Variants in USP34 observed in about 807,000 individuals in gnomAD.
The protein encoded by USP34 is ubiquitin specific peptidase 34, also known as ubiquitin carboxyl-terminal hydrolase 34.
USP34 carries 70 observed loss-of-function variants against 460.3 expected under a neutral mutation model. The observed-to-expected ratio is 0.15, with a 90% confidence interval of 0.13 to 0.19. The LOEUF is 0.19. Among genes scored for constraint, USP34 ranks in the 10% least tolerant of loss-of-function variants. The probability of loss-of-function intolerance (pLI) is 1.00; values close to 1 mark genes in which losing one functional copy is unlikely to be tolerated. For missense variants in USP34, 3,985 were observed against 4,236.2 expected (o/e 0.94, Z 1.65); for synonymous variants, 1,647 against 1,405.3 (o/e 1.17, Z -3.85).
At chr2:61,410,248 T>C (rs1222214817) in intron 2 of USP34, among the ~76,000 whole-genome samples, 2 of 152,148 alleles carry the variant, frequency 1.3e-5, no homozygotes, top group Non-Finnish European at 2.9e-5. Context: ...GACGGTACCA[T>C]CTGGGGGTGA....
intron 43 of USP34, among the ~76,000 whole-genome samples, chr2:61,261,680 G>A (rs1572880585): frequency 1.3e-5 from 2 of 152,242 alleles, no homozygotes; most frequent in East Asian, 3.9e-4. Context: ...ACCACAATTA[G>A]AATATATGTA....
chr2:61,300,823 C>CA (rs373533620), intron 29 of USP34, 128 bp downstream of exon 29: 62,288 of 470,104 alleles, frequency 0.13, 486 homozygotes, highest in African/African-American at 0.18. Context: ...AAAAAATGAA[C>CA]AAAAAAAAAA....
chr2:61,467,538 T>C (rs1695810031), intron 1 of USP34, among the ~76,000 whole-genome samples: 1 of 151,784 alleles, frequency 6.6e-6, no homozygotes, highest in Non-Finnish European at 1.5e-5. Flanking sequence ...TTTTATTGCT[T>C]CTCTCAGCTG....
At chr2:61,444,435 T>C (rs72815549) in intron 1 of USP34, among the ~76,000 whole-genome samples, 18,080 of 151,786 alleles carry the variant, frequency 0.12, 1,537 homozygotes, top group East Asian at 0.38. Flanking sequence ...GATAAAAATA[T>C]AGAAGAAAGC....
At chr2:61,338,045 G>C (rs1311201890) in intron 18 of USP34, among the ~76,000 whole-genome samples, 2 of 152,172 alleles carry the variant, frequency 1.3e-5, no homozygotes, top group Admixed American at 6.5e-5. Flanking sequence ...ATACCGGCCA[G>C]GCACAGTGAC....
intron 1 of USP34, among the ~76,000 whole-genome samples, chr2:61,438,541 A>G (rs2104017215): frequency 6.6e-6 from 1 of 152,274 alleles, no homozygotes; most frequent in African/African-American, 2.4e-5. Context: ...CAGAGGTTGC[A>G]GTGAACCAAG....
intron 16 of USP34, among the ~76,000 whole-genome samples, chr2:61,341,887 C>A (rs112125895): frequency 6.6e-6 from 1 of 151,296 alleles, no homozygotes; most frequent in African/African-American, 2.4e-5. Flanking sequence ...CTCAGCGTCC[C>A]GAGTAGCTGG....
At chr2:61,405,457 T>C (rs1693844026) in intron 3 of USP34, among the ~76,000 whole-genome samples, 1 of 152,142 alleles carries the variant, frequency 6.6e-6, no homozygotes, top group Non-Finnish European at 1.5e-5. Context: ...TCTATAGCAG[T>C]AAAATGTTTA....
chr2:61,397,229 G>A (rs1395575875), intron 3 of USP34, among the ~76,000 whole-genome samples: 1 of 151,764 alleles, frequency 6.6e-6, no homozygotes, highest in Non-Finnish European at 1.5e-5. Flanking sequence ...GATCATTTGA[G>A]GTCAAGAGTT....
At position 61,228,880 on chromosome 2, in the gene USP34, G is replaced by C. The variant is rs747858579; in HGVS notation, c.7315C>G (p.Leu2439Val). 3.1e-6 allele frequency: 5 copies of C among 1,608,336 alleles called. No homozygotes were observed. ...TAAAGGAAGGCAAAATACTCTGTAA[G>C]ATGTTTACTGTGAGGTTTTACACCA... ...EHGVKPHSKH[L>V]TEYFAFLYEF... Residue 2439 changes from leucine (L) to valine (V), a missense_variant, in exon 60 of 80, where the codon CTT becomes GTT. By Grantham distance (32) the Leu-to-Val change is conservative (BLOSUM62 1). Transcript: ENST00000398571.
intron 75 of USP34, among the ~76,000 whole-genome samples, chr2:61,201,836 G>C (rs1284476507): frequency 6.6e-6 from 1 of 152,152 alleles, no homozygotes; most frequent in African/African-American, 2.4e-5. Flanking sequence ...TTTTTAAAAA[G>C]TGTTTTTATA....
At chr2:61,323,499 A>G (rs1690991138) in intron 21 of USP34, among the ~76,000 whole-genome samples, 1 of 143,106 alleles carries the variant, frequency 7.0e-6, no homozygotes, top group African/African-American at 2.6e-5. Context: ...TGGGCAACAG[A>G]GCAAGACTCC....
chr2:61,350,027 GAT>G (rs1558543511), intron 12 of USP34, among the ~76,000 whole-genome samples: 1 of 150,914 alleles, frequency 6.6e-6, no homozygotes, highest in Non-Finnish European at 1.5e-5. Context: ...AAAAAAAAAA[GAT>G]AACCAAAGCT....
chr2:61,229,481 AAAAAAAACAAAAAC>A, intron 59 of USP34, 53 bp downstream of exon 59: 64 of 795,536 alleles, frequency 8.0e-5, no homozygotes, highest in South Asian at 3.1e-4. Flanking sequence ...AAAAACAAAA[AAAAAAAACAAAAAC>A]ACCACACACA....
chr2:61,218,316 GA>G (rs79272493), intron 67 of USP34, among the ~76,000 whole-genome samples: 22,490 of 89,704 alleles, frequency 0.25, 1,964 homozygotes, highest in South Asian at 0.42. Flanking sequence ...AAACTTCCAG[GA>G]AAAAAAAAAA....
intron 75 of USP34, among the ~76,000 whole-genome samples, chr2:61,202,523 G>T (rs902800310): frequency 6.6e-6 from 1 of 152,132 alleles, no homozygotes; most frequent in African/African-American, 2.4e-5. Flanking sequence ...TTCTCTAACA[G>T]CTCTTAGGCA....
chr2:61,204,043 GA>G lies in USP34; in HGVS notation c.9384+212del, dbSNP rs367894622. 6.7e-4 allele frequency among the ~76,000 whole-genome samples: 101 copies of G among 151,750 alleles called. 1 individual carries two copies. The highest frequency in any genetic ancestry group is 2.2e-3 in the African/African-American group (93 of 41,406). On this transcript the variant is annotated intron_variant, in intron 74 of 79. Coordinates refer to ENST00000398571, the MANE Select transcript of USP34 (RefSeq NM_014709.4). ...TACTATTAAGGTAATTTTTGAGGGG[GA>G]AAAAAAACTTACTACTTGTGCTTAT...
chr2:61,248,924 T>A (rs1020528877), intron 48 of USP34, among the ~76,000 whole-genome samples: 9 of 152,214 alleles, frequency 5.9e-5, no homozygotes, highest in Admixed American at 2.6e-4. Context: ...AAAGCGAATT[T>A]AGAAATTAGG....
At chr2:61,411,467 T>A (rs1694038036) in intron 2 of USP34, among the ~76,000 whole-genome samples, 3 of 152,050 alleles carry the variant, frequency 2.0e-5, no homozygotes, top group Admixed American at 2.0e-4. Flanking sequence ...ACCCTTCCTA[T>A]CTGGTAACCC....
Sources: allele counts gnomAD v4.1 joint callset (sites outside exome capture counted in the v4.1 genomes callset), GRCh38; gene constraint gnomAD v4.1.1; transcripts MANE v1.5; gene names NCBI Gene and HGNC (gene_info 2026-07-23, HGNC 2026-07-21).